Variants in ANKS1A observed in about 807,000 individuals in gnomAD.
The protein encoded by ANKS1A is ankyrin repeat and sterile alpha motif domain containing 1A.
ANKS1A carries 55 observed loss-of-function variants against 120.3 expected under a neutral mutation model. That is an observed-to-expected ratio of 0.46 (90% CI 0.37 to 0.57). The LOEUF (loss-of-function observed/expected upper bound fraction) is 0.57, where lower values mean the gene tolerates loss of function less well. ANKS1A is among the 20% of genes least tolerant of loss of function. The pLI is 0.00. For synonymous variants in ANKS1A, 590 were observed against 604.7 expected, an observed-to-expected ratio of 0.98 and a Z score of 0.36; for missense variants, 1,123 against 1,480.3, an observed-to-expected ratio of 0.76 and a Z score of 3.96.
At chr6:34,974,760 A>T (rs1383102657) in intron 3 of ANKS1A, among the ~76,000 whole-genome samples, 1 of 152,172 alleles carries the variant, frequency 6.6e-6, no homozygotes, top group Non-Finnish European at 1.5e-5. Flanking sequence ...GAGTTTAAAT[A>T]AGATAATATA....
At position 35,051,482 on chromosome 6, in the gene ANKS1A, C is replaced by T. The variant is rs553873095; in HGVS notation, c.2011-2617C>T. Among the ~76,000 whole-genome samples, 71 of 152,340 alleles carry T rather than the reference C, an allele frequency of 4.7e-4. 1 individual carries two copies. In the South Asian group the frequency reaches 0.014, roughly 31 times the overall value. ...CAGAGGATACCCTGGAGTCACCCCACCATTTCAGCCCTTTCCTTCCCCAGC... is the reference window on the plus strand; with the variant it reads ...CAGAGGATACCCTGGAGTCACCCCATCATTTCAGCCCTTTCCTTCCCCAGC... On this transcript the variant is annotated intron_variant, in intron 11 of 23. Coordinates refer to ENST00000360359, the MANE Select transcript of ANKS1A (RefSeq NM_015245.3).
rs890096119 is a variant in ANKS1A at position 35,082,610 on chromosome 6, T to A, written c.2710-81T>A. 1.3e-6 allele frequency: 2 copies of A among 1,508,358 alleles called. No individual in the cohort carries two copies. The highest frequency in any genetic ancestry group is 2.8e-5 in the African/African-American group (2 of 71,462). 93.4% of individuals were successfully genotyped at this position (1,508,358 alleles called of 1,614,324 possible). A position where few individuals can be genotyped will look rare whatever the true frequency, so the allele number is the denominator to read the frequency against. ...GCTAAGGTCACTGGCATCTTCACCCTTGAGTGTGCTGGAGCCAGGCAGCAA... is the reference window on the plus strand; with the variant it reads ...GCTAAGGTCACTGGCATCTTCACCCATGAGTGTGCTGGAGCCAGGCAGCAA... On this transcript the variant is annotated intron_variant, in intron 17 of 23. Transcript: ENST00000360359. The surrounding 1 kb of genome is among the most constrained non-coding windows in gnomAD (Gnocchi z 4.1).
intron 1 of ANKS1A, among the ~76,000 whole-genome samples, chr6:34,960,921 A>G (rs1181797721): frequency 6.6e-6 from 1 of 152,240 alleles, no homozygotes; most frequent in Non-Finnish European, 1.5e-5. Context: ...TCAAAAAATG[A>G]CAAGTGGCGG....
intron 11 of ANKS1A, among the ~76,000 whole-genome samples, chr6:35,033,347 T>TA (rs1774996248): frequency 1.3e-5 from 2 of 152,222 alleles, no homozygotes; most frequent in Non-Finnish European, 2.9e-5. Context: ...TTCATGTGCT[T>TA]ACAGCCATTA....
intron 16 of ANKS1A, 131 bp from the exon 17 acceptor site, chr6:35,080,863 G>C: frequency 9.0e-7 from 1 of 1,107,858 alleles, no homozygotes; most frequent in South Asian, 1.5e-5. Flanking sequence ...CTGTGGTGTT[G>C]GCCCCTTCGC....
intron 3 of ANKS1A, among the ~76,000 whole-genome samples, chr6:34,973,861 C>CCT (rs1771314094): frequency 8.9e-5 from 5 of 56,078 alleles, no homozygotes; most frequent in Admixed American, 7.1e-4. Context: ...TCCCCTTGCC[C>CCT]TCCCCTTCCC....
At chr6:35,069,534 G>A (rs1776968511) in intron 13 of ANKS1A, among the ~76,000 whole-genome samples, 1 of 151,984 alleles carries the variant, frequency 6.6e-6, no homozygotes, top group Non-Finnish European at 1.5e-5. Context: ...GAACACAGAG[G>A]GCTGACAATA....
chr6:34,905,133 A>G (rs1201186798), intron 1 of ANKS1A, among the ~76,000 whole-genome samples: 8 of 152,226 alleles, frequency 5.3e-5, no homozygotes, highest in Admixed American at 4.6e-4. Flanking sequence ...TCTATTGGTG[A>G]TGACATAATG....
At chr6:34,971,341 T>C (rs1291531565) in intron 3 of ANKS1A, among the ~76,000 whole-genome samples, 2 of 152,234 alleles carry the variant, frequency 1.3e-5, no homozygotes, top group Non-Finnish European at 1.5e-5. Flanking sequence ...AGAATATACC[T>C]GTTCTTTACA....
At chr6:34,908,384 A>C (rs372796120) in intron 1 of ANKS1A, among the ~76,000 whole-genome samples, 1 of 152,212 alleles carries the variant, frequency 6.6e-6, no homozygotes, top group East Asian at 1.9e-4. Flanking sequence ...GCTATCCAGC[A>C]GGAGTCAGCG....
intron 10 of ANKS1A, among the ~76,000 whole-genome samples, chr6:35,006,329 A>C (rs924126489): frequency 6.6e-6 from 1 of 151,848 alleles, no homozygotes; most frequent in Non-Finnish European, 1.5e-5. Flanking sequence ...AAAAAAAAAG[A>C]ATATTCTTAA....
intron 10 of ANKS1A, among the ~76,000 whole-genome samples, chr6:35,015,582 A>C (rs2127556354): frequency 6.6e-6 from 1 of 152,268 alleles, no homozygotes; most frequent in African/African-American, 2.4e-5. Context: ...CAGAGCCATA[A>C]AGTGGAGCTA....
At chr6:35,083,123 T>C (rs1409548513) in intron 18 of ANKS1A, 32 bp from the exon 19 acceptor site, 1 of 1,611,074 alleles carries the variant, frequency 6.2e-7, no homozygotes, top group Admixed American at 1.7e-5. Flanking sequence ...AACGCAGGAT[T>C]TCCTAAGCCT....
At chr6:34,890,415 C>T (rs1193991607) in intron 1 of ANKS1A, among the ~76,000 whole-genome samples, 1 of 152,136 alleles carries the variant, frequency 6.6e-6, no homozygotes, top group Non-Finnish European at 1.5e-5. Flanking sequence ...ATTAAAATTG[C>T]CTCTGGATGT....
chr6:34,951,879 C>T (rs71567472), intron 1 of ANKS1A, among the ~76,000 whole-genome samples: 2,812 of 152,226 alleles, frequency 0.018, 50 homozygotes, highest in Non-Finnish European at 0.029. Context: ...TAGAACATCA[C>T]GCCTCTCTTT....
chr6:34,930,955 C>T (rs1221378333), intron 1 of ANKS1A, among the ~76,000 whole-genome samples: 2 of 150,826 alleles, frequency 1.3e-5, no homozygotes, highest in Non-Finnish European at 2.9e-5. Flanking sequence ...CAGCTCACTA[C>T]AACCTCTGCC....
rs1307615807 is a variant in ANKS1A, at chr6:34,983,375, C to G, written c.962C>G (p.Pro321Arg). Residue 321 changes from proline (P) to arginine (R), a missense_variant, in exon 7 of 24, where the codon CCC (proline) becomes CGC (arginine). By Grantham distance (103) the Pro-to-Arg change is moderately radical. Transcript: ENST00000360359. ...AAAGAAGTAGATAAAACCCCCCCACCCCAGCCACCTCTCATCTCCAGTATG... is the reference window on the plus strand; with the variant it reads ...AAAGAAGTAGATAAAACCCCCCCACGCCAGCCACCTCTCATCTCCAGTATG... ...STKEVDKTPPPQPPLISSMDS... is the reference protein window; with the variant it reads ...STKEVDKTPPRQPPLISSMDS... 6.2e-7 allele frequency: 1 copy of G among 1,613,866 alleles called. No homozygotes were observed. The highest frequency in any genetic ancestry group is 1.3e-5 in the African/African-American group (1 of 74,844).
intron 1 of ANKS1A, among the ~76,000 whole-genome samples, chr6:34,939,715 TC>T (rs1769433965): frequency 6.6e-6 from 1 of 151,262 alleles, no homozygotes. Context: ...CCTGTCTCTT[TC>T]AAAAAAAAAA....
At chr6:35,038,326 T>G in intron 11 of ANKS1A, 1 of 456,638 alleles carries the variant, frequency 2.2e-6, no homozygotes, top group Non-Finnish European at 4.4e-6. Flanking sequence ...AACTTTGCAT[T>G]CTTACTGAGA....
Sources: gnomAD v4.1 joint callset for allele counts (sites outside exome capture counted in the v4.1 genomes callset) on GRCh38, gnomAD v4.1.1 for gene constraint, Gnocchi (gnomAD v3.1) non-coding constraint, MANE v1.5 for transcripts, NCBI Gene and HGNC (gene_info 2026-07-23, HGNC 2026-07-21) for gene names.